Variants in SPTLC3 observed in about 807,000 individuals in gnomAD.
SPTLC3 encodes serine palmitoyltransferase 3.
Under a neutral mutation model 59.3 loss-of-function variants are expected in SPTLC3, and 36 were observed. The ratio of observed to expected loss-of-function variants is 0.61; its 90% CI spans 0.47 to 0.80. The LOEUF is 0.80. Among genes scored for constraint, SPTLC3 ranks in the 30% least tolerant of loss-of-function variants. SPTLC3 has a pLI of 0.00. For synonymous variants in SPTLC3, 257 were observed against 240.8 expected, an observed-to-expected ratio of 1.07 and a Z score of -0.62; for missense variants, 625 against 685.1, an observed-to-expected ratio of 0.91 and a Z score of 0.98.
intron 8 of SPTLC3, 23 bp from the exon 9 acceptor site, chr20:13,126,568 T>G: frequency 1.2e-6 from 2 of 1,612,562 alleles, no homozygotes; most frequent in Non-Finnish European, 1.7e-6. Flanking sequence ...GCCTTCTTTT[T>G]GGGTTTCCCC....
At chr20:13,125,820 T>C (rs4813116) in intron 8 of SPTLC3, among the ~76,000 whole-genome samples, 83,822 of 152,044 alleles carry the variant, frequency 0.55, 23,814 homozygotes, top group African/African-American at 0.69. Flanking sequence ...CTGCCATATA[T>C]TACTGAACAA....
Position 13,080,337 on chromosome 20 carries a change from G to C in SPTLC3, c.607+5840G>C, listed in dbSNP as rs1238325656. Among the ~76,000 whole-genome samples, 6 of 151,776 alleles carry C rather than the reference G, an allele frequency of 4.0e-5. No individual in the cohort carries two copies. The East Asian group carries it at 1.2e-3, about 29-fold the overall frequency. ...ATCCTGGCCAACATGGTGAAACCCC[G>C]TCTCTACTAAAAATACAAAAATTAG... On this transcript the variant is annotated intron_variant, in intron 4 of 11. Transcript: ENST00000399002.
chr20:13,055,236 G>A lies in SPTLC3; in HGVS notation c.303+6106G>A, dbSNP rs533136237. Reference sequence around the variant, plus strand: ...CCACAGACAGCTTTGAGGACATAAAGGTTCTTGAGTTATAAAGGATAAAGA... The same window carrying A: ...CCACAGACAGCTTTGAGGACATAAAAGTTCTTGAGTTATAAAGGATAAAGA... On this transcript the variant is annotated intron_variant, in intron 2 of 11. Coordinates refer to ENST00000399002, the MANE Select transcript of SPTLC3 (RefSeq NM_018327.4). Among the ~76,000 whole-genome samples, 5 of 152,018 alleles carry A rather than the reference G, an allele frequency of 3.3e-5. No homozygotes were observed. In the East Asian group the frequency reaches 7.8e-4, roughly 24 times the overall value.
At chr20:13,051,258 T>C (rs2122505368) in intron 2 of SPTLC3, among the ~76,000 whole-genome samples, 1 of 152,306 alleles carries the variant, frequency 6.6e-6, no homozygotes, top group East Asian at 1.9e-4. Flanking sequence ...AGGCATTTCA[T>C]GCAAATAGAC....
At chr20:13,074,062 G>T in intron 3 of SPTLC3, 3 of 648,004 alleles carry the variant, frequency 4.6e-6, no homozygotes, top group Admixed American at 1.9e-5. Flanking sequence ...TTGGAGGCCT[G>T]CTGTGGGCTG....
Position 13,142,016 on chromosome 20 carries a change from CTAGTT to C in SPTLC3, c.1280-11986_1280-11982del, listed in dbSNP as rs113206478. Among the ~76,000 whole-genome samples, 19 of 152,318 alleles carry C rather than the reference CTAGTT, an allele frequency of 1.2e-4. 1 individual carries two copies. The highest frequency in any genetic ancestry group is 9.8e-4 in the Admixed American group (15 of 15,296). On this transcript the variant is annotated intron_variant, in intron 9 of 11. Coordinates refer to ENST00000399002, the MANE Select transcript of SPTLC3 (RefSeq NM_018327.4). ...GCAAAATTAGCCAACAAACTGAACT[CTAGTT>C]AAGAGGGAAAGTTTGCCTGGTTGTG... is the stretch of plus-strand genomic sequence containing the variant.
chr20:13,119,302 AT>A (rs1396203213), intron 8 of SPTLC3, among the ~76,000 whole-genome samples: 1 of 152,128 alleles, frequency 6.6e-6, no homozygotes, highest in African/African-American at 2.4e-5. Context: ...TGGATGTCAC[AT>A]TTTTCCCCCT....
chr20:13,117,035 T>A (rs1205211137), intron 7 of SPTLC3, among the ~76,000 whole-genome samples: 1 of 152,200 alleles, frequency 6.6e-6, no homozygotes, highest in Admixed American at 6.5e-5. Context: ...TTAAATAAAG[T>A]TCTGTGTCTT....
chr20:13,121,680 G>A (rs1400516870), intron 8 of SPTLC3, among the ~76,000 whole-genome samples: 1 of 152,130 alleles, frequency 6.6e-6, no homozygotes, highest in East Asian at 1.9e-4. Context: ...GGGAACGAGA[G>A]GGGGAATTAG....
intron 1 of SPTLC3, 91 bp downstream of exon 1, chr20:13,009,475 T>G: frequency 8.4e-7 from 1 of 1,188,904 alleles, no homozygotes. Context: ...TAACTTAGAG[T>G]TCATCTTATG....
chr20:13,164,482 C>T (rs115408937), intron 11 of SPTLC3: 2 of 535,740 alleles, frequency 3.7e-6, no homozygotes, highest in Admixed American at 2.6e-5. Flanking sequence ...GCATGGGTCA[C>T]ATGTTTTTAT....
chr20:13,055,154 C>T (rs1255205652), intron 2 of SPTLC3, among the ~76,000 whole-genome samples: 3 of 151,588 alleles, frequency 2.0e-5, no homozygotes, highest in African/African-American at 4.9e-5. Context: ...TGGGCAGATA[C>T]ATGGATAGCA....
chr20:13,083,495 A>G (rs896682571), intron 4 of SPTLC3, among the ~76,000 whole-genome samples: 1 of 152,216 alleles, frequency 6.6e-6, no homozygotes, highest in Non-Finnish European at 1.5e-5. Context: ...TCAAAGTAAA[A>G]TACAGAAGGA....
chr20:13,103,096 C>G (rs536990596), intron 6 of SPTLC3, among the ~76,000 whole-genome samples: 2 of 152,168 alleles, frequency 1.3e-5, no homozygotes, highest in African/African-American at 4.8e-5. Context: ...AAACCTGAGC[C>G]AAAGTCCTTG....
At chr20:13,154,963 C>A (rs2038732911) in intron 10 of SPTLC3, among the ~76,000 whole-genome samples, 1 of 151,752 alleles carries the variant, frequency 6.6e-6, no homozygotes, top group Admixed American at 6.6e-5. Flanking sequence ...GGTGGATCAC[C>A]TGAGGTCAGG....
chr20:13,077,762 C>T (rs949442080), intron 4 of SPTLC3, among the ~76,000 whole-genome samples: 8 of 150,872 alleles, frequency 5.3e-5, no homozygotes, highest in Non-Finnish European at 1.2e-4. Flanking sequence ...ATAGTAATTT[C>T]TATTGAGCCA....
intron 8 of SPTLC3, among the ~76,000 whole-genome samples, chr20:13,122,197 A>G (rs1325137163): frequency 6.6e-6 from 1 of 152,184 alleles, no homozygotes; most frequent in Non-Finnish European, 1.5e-5. Flanking sequence ...ACCACTATGG[A>G]TTTTAAAAGA....
intron 6 of SPTLC3, among the ~76,000 whole-genome samples, chr20:13,106,253 C>T (rs537607104): frequency 1.3e-5 from 2 of 152,240 alleles, no homozygotes; most frequent in African/African-American, 4.8e-5. Context: ...AGGAAAAGAA[C>T]ATTGATGCAA....
Position 13,074,635 on chromosome 20 carries a change from T to C in SPTLC3, c.607+138T>C, listed in dbSNP as rs999752972. On this transcript the variant is annotated intron_variant, in intron 4 of 11. Coordinates refer to ENST00000399002, the MANE Select transcript of SPTLC3 (RefSeq NM_018327.4). ...CTGCAGAAAGAAAAAAAAGAGATAT[T>C]TTGGGAAATTTCAAGCATTAGGCTG... is the stretch of plus-strand genomic sequence containing the variant. 9.4e-6 allele frequency: 10 copies of C among 1,061,114 alleles called. No homozygotes were observed. The African/African-American group carries it at 1.6e-4, about 17-fold the overall frequency. 65.7% of individuals were successfully genotyped at this position (1,061,114 alleles called of 1,614,324 possible).
Sources: allele counts gnomAD v4.1 joint callset (sites outside exome capture counted in the v4.1 genomes callset), GRCh38; gene constraint gnomAD v4.1.1; transcripts MANE v1.5; gene names NCBI Gene and HGNC (gene_info 2026-07-23, HGNC 2026-07-21).